Variants in CIT observed in about 807,000 individuals in gnomAD.
The protein encoded by CIT is citron Rho-interacting kinase.
In CIT, 79 loss-of-function variants were observed where a neutral mutation model predicts 272.7. The ratio of observed to expected loss-of-function variants is 0.29; its 90% CI spans 0.24 to 0.35. The LOEUF is 0.35. Ranked by LOEUF, CIT falls within the 10% of genes least tolerant of loss-of-function variation. The pLI is 1.00. For synonymous variants in CIT, 948 were observed against 995.6 expected, an observed-to-expected ratio of 0.95 and a Z score of 0.90; for missense variants, 1,909 against 2,618.3, an observed-to-expected ratio of 0.73 and a Z score of 5.91.
At chr12:119,767,392 A>G (rs1168432632) in intron 18 of CIT, among the ~76,000 whole-genome samples, 1 of 152,226 alleles carries the variant, frequency 6.6e-6, no homozygotes, top group Non-Finnish European at 1.5e-5. Flanking sequence ...ACATACACAC[A>G]TAGCTGGTGG....
At chr12:119,860,123 C>T (rs954030667) in intron 3 of CIT, among the ~76,000 whole-genome samples, 1 of 152,180 alleles carries the variant, frequency 6.6e-6, no homozygotes, top group African/African-American at 2.4e-5. Flanking sequence ...CAGCCTGCAA[C>T]TGTAACTACT....
intron 12 of CIT, chr12:119,782,916 T>C (rs547787355): frequency 3.3e-6 from 1 of 302,252 alleles, no homozygotes; most frequent in South Asian, 5.8e-5. Flanking sequence ...GATACTTACT[T>C]GCATGTTCAG....
Position 119,730,488 on chromosome 12 carries a change from C to T in CIT, c.3486+7G>A, listed in dbSNP as rs779412220. 44 of 1,607,054 alleles carry T rather than the reference C, an allele frequency of 2.7e-5. No individual in the cohort carries two copies. The highest frequency in any genetic ancestry group is 3.3e-4 in the Middle Eastern group (2 of 6,054). On this transcript the variant is annotated splice_region_variant and intron_variant, in intron 27 of 47. Coordinates refer to ENST00000392521, the MANE Select transcript of CIT (RefSeq NM_001206999.2). The stretch of plus-strand genomic sequence containing the variant: ...TTTCCTAAAAAGCAGAAGGGGTGGG[C>T]GCTGACCTTGTCAGAGAGGCTCTCG...
At chr12:119,840,836 T>C (rs1418007764) in intron 5 of CIT, among the ~76,000 whole-genome samples, 1 of 152,210 alleles carries the variant, frequency 6.6e-6, no homozygotes, top group East Asian at 1.9e-4. Context: ...GTCAAAACTA[T>C]CATAAGCTGC....
chr12:119,786,243 G>T (rs971207150), intron 10 of CIT, among the ~76,000 whole-genome samples: 2 of 152,076 alleles, frequency 1.3e-5, no homozygotes, highest in African/African-American at 4.8e-5. Context: ...AGACAAGTTG[G>T]CTTGATGCAC....
chr12:119,872,362 T>TA (rs1566154155), intron 2 of CIT, among the ~76,000 whole-genome samples: 2 of 151,996 alleles, frequency 1.3e-5, no homozygotes, highest in Non-Finnish European at 2.9e-5. Context: ...TGAGTAGAAG[T>TA]AAAAAAGACA....
At chr12:119,706,778 T>C (rs1490324311) in intron 40 of CIT, among the ~76,000 whole-genome samples, 2 of 152,222 alleles carry the variant, frequency 1.3e-5, no homozygotes, top group African/African-American at 4.8e-5. Context: ...AATAGAATGA[T>C]TTATATTCCT....
chr12:119,782,469 G>A (rs1964387380), intron 13 of CIT, 49 bp downstream of exon 13: 4 of 1,600,904 alleles, frequency 2.5e-6, no homozygotes, highest in Admixed American at 1.7e-5. Context: ...TGAAATTAGA[G>A]GTCCAAGCAA....
chr12:119,786,157 A>G (rs1039988962), intron 10 of CIT, among the ~76,000 whole-genome samples: 1 of 152,174 alleles, frequency 6.6e-6, no homozygotes, highest in African/African-American at 2.4e-5. Context: ...TTATATGAGG[A>G]AATTGAGGCC....
chr12:119,708,850 G>A (rs1157808642), intron 39 of CIT, among the ~76,000 whole-genome samples: 1 of 152,160 alleles, frequency 6.6e-6, no homozygotes, highest in Non-Finnish European at 1.5e-5. Flanking sequence ...TCTGAGGAGG[G>A]TGGAATTCTG....
intron 5 of CIT, among the ~76,000 whole-genome samples, chr12:119,836,944 C>T (rs543276564): frequency 5.3e-5 from 8 of 152,302 alleles, no homozygotes; most frequent in African/African-American, 1.9e-4. Context: ...CTGAAAATCC[C>T]CTCCCAAGTC....
chr12:119,708,039 C>A (rs905945298), intron 40 of CIT, 140 bp downstream of exon 40: 75 of 942,648 alleles, frequency 8.0e-5, no homozygotes, highest in Admixed American at 1.3e-4. Flanking sequence ...AAATCAATCT[C>A]TTTTCTTTCA....
chr12:119,689,258 CAT>C (rs995722308), intron 47 of CIT, among the ~76,000 whole-genome samples: 4 of 148,932 alleles, frequency 2.7e-5, no homozygotes, highest in Non-Finnish European at 6.0e-5. Context: ...AGCTACAGCC[CAT>C]ATTCCCAGCT....
Position 119,701,613 on chromosome 12 carries a change from C to T in CIT, c.5542+11G>A, listed in dbSNP as rs751211586. ...GGACCCAAAAGGGCAGTGGGCGCAG[C>T]CACGACTCACCGTGGAAACACAGCA... On this transcript the variant is annotated intron_variant, in intron 43 of 47. Transcript: ENST00000392521. 6 of 1,612,476 alleles carry T rather than the reference C, an allele frequency of 3.7e-6. No homozygotes were observed. The East Asian group carries it at 1.3e-4, about 36-fold the overall frequency.
chr12:119,839,293 G>A (rs1002758317), intron 5 of CIT, among the ~76,000 whole-genome samples: 4 of 152,206 alleles, frequency 2.6e-5, no homozygotes, highest in African/African-American at 7.2e-5. Flanking sequence ...CGGGGATGGG[G>A]TGAATATTGA....
intron 5 of CIT, among the ~76,000 whole-genome samples, chr12:119,835,210 G>A: frequency 6.6e-6 from 1 of 152,224 alleles, no homozygotes; most frequent in East Asian, 1.9e-4. Flanking sequence ...TATAAGGCCA[G>A]TTAGCCTGGG....
At position 119,696,926 on chromosome 12, in the gene CIT, T is replaced by C. The variant is rs557186158; in HGVS notation, c.5882+733A>G. ...TGTCAGTGTGAGTTCTTCATTCTTT[T>C]CCCCAGATGCCTGCACAACATTCCT... is the stretch of plus-strand genomic sequence containing the variant. On this transcript the variant is annotated intron_variant, in intron 46 of 47. Transcript: ENST00000392521. Among the ~76,000 whole-genome samples the C allele has an allele frequency of 4.6e-5, 7 of 152,332 alleles. No homozygotes were observed. The East Asian group carries it at 1.4e-3, about 29-fold the overall frequency.
At position 119,784,118 on chromosome 12, in the gene CIT, G is replaced by T; in HGVS notation, c.1402-67C>A. The T allele has an allele frequency of 6.2e-7, 1 of 1,613,326 alleles. No homozygotes were observed. Among genetic ancestry groups the T allele is most frequent in the Non-Finnish European group, 8.5e-7 (1 of 1,179,554 alleles). On this transcript the variant is annotated intron_variant, in intron 11 of 47. Coordinates refer to ENST00000392521, the MANE Select transcript of CIT (RefSeq NM_001206999.2). The surrounding 1 kb of genome is among the most constrained non-coding windows in gnomAD (Gnocchi z 4.7). ...TTCATTAGGAGCAATCACATCTCAA[G>T]TAGCCTCCGAAACCACCTGGTGGTC...
chr12:119,857,839 A>G lies in CIT; in HGVS notation c.239-141T>C, dbSNP rs563974310. 1.1e-4 allele frequency: 82 copies of G among 769,778 alleles called. 1 individual carries two copies. In the South Asian group the frequency reaches 1.7e-3, roughly 16 times the overall value. 47.7% of individuals were successfully genotyped at this position (769,778 alleles called of 1,614,324 possible). On this transcript the variant is annotated intron_variant, in intron 3 of 47. Coordinates refer to ENST00000392521, the MANE Select transcript of CIT (RefSeq NM_001206999.2). ...ACATTCACTTTCTCATCCATCATGA[A>G]TAATTATAAAATCAGTACAAAAGTG...
Sources: allele counts gnomAD v4.1 joint callset (sites outside exome capture counted in the v4.1 genomes callset), GRCh38; gene constraint gnomAD v4.1.1; non-coding constraint Gnocchi (gnomAD v3.1); transcripts MANE v1.5; gene names NCBI Gene and HGNC (gene_info 2026-07-23, HGNC 2026-07-21).